Variants in NEB observed in about 807,000 individuals in gnomAD.
NEB encodes nemaline myopathy type 2.
A neutral mutation model predicts 952.2 loss-of-function variants in NEB; 512 were observed. That is an observed-to-expected ratio of 0.54 (90% CI 0.50 to 0.58). NEB has a LOEUF of 0.58. NEB is among the 20% of genes least tolerant of loss of function. NEB has a pLI of 0.00. For synonymous variants in NEB, 2,900 were observed against 3,149.8 expected, an observed-to-expected ratio of 0.92 and a Z score of 2.66; for missense variants, 8,428 against 9,231.1, an observed-to-expected ratio of 0.91 and a Z score of 3.56.
chr2:151,526,416 T>A (rs1481964603), intron 148 of NEB, among the ~76,000 whole-genome samples, 154 bp from the exon 149 acceptor site: 1 of 152,116 alleles, frequency 6.6e-6, no homozygotes, highest in Non-Finnish European at 1.5e-5. Context: ...TCAAAAGGGT[T>A]TTTTCCTTAT....
intron 12 of NEB, 51 bp downstream of exon 12, chr2:151,709,605 A>T: frequency 2.1e-6 from 3 of 1,412,840 alleles, no homozygotes; most frequent in Non-Finnish European, 2.9e-6. Context: ...AAGTTATAAG[A>T]AATTTACCCA....
At chr2:151,611,549 C>T (rs1157367172) in intron 78 of NEB, among the ~76,000 whole-genome samples, 1 of 152,188 alleles carries the variant, frequency 6.6e-6, no homozygotes, top group East Asian at 1.9e-4. Flanking sequence ...GATTGGAAGG[C>T]TTCCAGGCAG....
chr2:151,558,641 C>A (rs771325584), intron 124 of NEB, among the ~76,000 whole-genome samples: 3 of 152,048 alleles, frequency 2.0e-5, no homozygotes, highest in Admixed American at 6.6e-5. Context: ...TCAGAAACAA[C>A]GCCACATATC....
At position 151,592,053 on chromosome 2, in the gene NEB, T is replaced by C. The variant is rs139930220; in HGVS notation, c.14807A>G (p.Asn4936Ser). ...DTPLMLQSKINALQISNKRYQ... is the reference protein window; with the variant it reads ...DTPLMLQSKISALQISNKRYQ... ...TCTTACATTGCTGATCTGCAGAGCATTGATTTTGGATTGCAGCATCAGGGG... is the reference window on the plus strand; with the variant it reads ...TCTTACATTGCTGATCTGCAGAGCACTGATTTTGGATTGCAGCATCAGGGG... The change falls in exon 95 of 182, where the codon AAT becomes AGT. Residue 4936 changes from asparagine (N) to serine (S), a missense_variant. Around this residue, in one of 11 missense-constraint regions of NEB, gnomAD observed 13 missense variants for 40.6 expected, o/e 0.32. Transcript: ENST00000397345. The C allele has an allele frequency of 5.6e-4, 868 of 1,549,524 alleles. 1 individual carries two copies. In the African/African-American group the frequency reaches 9.0e-3, roughly 16 times the overall value.
Position 151,496,881 on chromosome 2 carries a change from T to G in NEB, c.24393+60A>C, listed in dbSNP as rs10497081. 476,536 of 1,456,888 alleles carry G rather than the reference T, an allele frequency of 0.33. 82,066 individuals carry two copies. Among genetic ancestry groups the G allele is most frequent in the Non-Finnish European group, 0.36 (381,640 of 1,066,098 alleles). The allele number at this position is 1,456,888 out of a possible 1,614,324, so 90.2% of individuals were successfully genotyped here. A position where few individuals can be genotyped will look rare whatever the true frequency, so the allele number is the denominator to read the frequency against. On this transcript the variant is annotated intron_variant, in intron 172 of 181. Transcript: ENST00000397345. Reference sequence around the variant, plus strand: ...AAAATAGGATTAATATGTATTATTTTAAATCATGAAATAGTTTTTAAAATC... The same window carrying G: ...AAAATAGGATTAATATGTATTATTTGAAATCATGAAATAGTTTTTAAAATC...
intron 42 of NEB, 128 bp from the exon 43 acceptor site, chr2:151,664,991 C>CAA: frequency 2.7e-6 from 2 of 733,218 alleles, no homozygotes; most frequent in East Asian, 5.4e-5. Context: ...GATGAAATAA[C>CAA]AAAAAGATGG....
At chr2:151,634,529 C>T (rs970471354) in intron 64 of NEB, among the ~76,000 whole-genome samples, 3 of 152,018 alleles carry the variant, frequency 2.0e-5, no homozygotes, top group African/African-American at 7.2e-5. Flanking sequence ...GTAGTCCCAG[C>T]TACTTGGGAG....
At chr2:151,513,759 G>C in intron 159 of NEB, 66 bp from the exon 160 acceptor site, 1 of 1,119,468 alleles carries the variant, frequency 8.9e-7, no homozygotes, top group Non-Finnish European at 1.3e-6. Flanking sequence ...AAACATACAG[G>C]GTGAATGTAA....
chr2:151,547,651 G>T lies in NEB; in HGVS notation c.20245C>A (p.Gln6749Lys), dbSNP rs772854423. Reference sequence around the variant, plus strand: ...ATACCCACCTCACTGACAGCCTCTTGTGTCTTCTTGACTTGGCGGATCTCA... The same window carrying T: ...ATACCCACCTCACTGACAGCCTCTTTTGTCTTCTTGACTTGGCGGATCTCA... Reference protein sequence around the residue: ...TPEIRQVKKTQEAVSELIYKS... With the variant: ...TPEIRQVKKTKEAVSELIYKS... Residue 6749 changes from glutamine (Q) to lysine (K), a missense_variant, in exon 132 of 182, where the codon CAA becomes AAA. Physicochemically the swap from Gln to Lys is moderately conservative, Grantham distance 53. This residue lies in a region of NEB where 3,374 missense variants were observed against 3,651.5 expected (regional missense o/e 0.92). Transcript: ENST00000397345. 122 of 1,613,608 alleles carry T rather than the reference G, an allele frequency of 7.6e-5. No individual in the cohort carries two copies. The highest frequency in any genetic ancestry group is 9.7e-5 in the Non-Finnish European group (114 of 1,179,756).
intron 102 of NEB, 72 bp from the exon 103 acceptor site, chr2:151,581,659 A>G: frequency 1.3e-6 from 2 of 1,502,556 alleles, no homozygotes; most frequent in African/African-American, 1.4e-5. Flanking sequence ...AAAATTATAA[A>G]GTCATAAAAC....
Position 151,540,685 on chromosome 2 carries a change from T to C in NEB, c.20787+12A>G. ...TTTTACCCAGTGCCTCAGTGCTGAA[T>C]TCCCATCTTACCTCACTGACCATGT... is the stretch of plus-strand genomic sequence containing the variant. On this transcript the variant is annotated intron_variant, in intron 137 of 181. Transcript: ENST00000397345. 1 of 1,608,856 alleles carries C rather than the reference T, an allele frequency of 6.2e-7. No homozygotes were observed. Among genetic ancestry groups the C allele is most frequent in the Non-Finnish European group, 8.5e-7 (1 of 1,175,434 alleles).
chr2:151,684,139 T>A (rs2099463570), intron 28 of NEB, among the ~76,000 whole-genome samples: 1 of 152,132 alleles, frequency 6.6e-6, no homozygotes, highest in South Asian at 2.1e-4. Context: ...TGCAGATTGG[T>A]TGTACAACAA....
chr2:151,613,594 T>C (rs1250604962), intron 77 of NEB, among the ~76,000 whole-genome samples: 1 of 152,226 alleles, frequency 6.6e-6, no homozygotes, highest in African/African-American at 2.4e-5. Context: ...CTATTATAGT[T>C]TGATATAGTT....
intron 156 of NEB, among the ~76,000 whole-genome samples, chr2:151,517,989 C>T (rs2078985807): frequency 6.6e-6 from 1 of 152,082 alleles, no homozygotes; most frequent in African/African-American, 2.4e-5. Context: ...TTCCTGACTC[C>T]CTATAATCTA....
intron 4 of NEB, among the ~76,000 whole-genome samples, chr2:151,728,598 G>A (rs1023575600): frequency 1.3e-5 from 2 of 152,128 alleles, no homozygotes; most frequent in Admixed American, 6.6e-5. Context: ...TCCTATCTAC[G>A]TAGTAGGTGA....
chr2:151,534,813 G>T (rs536205101), intron 142 of NEB, among the ~76,000 whole-genome samples: 2 of 152,330 alleles, frequency 1.3e-5, no homozygotes, highest in Admixed American at 1.3e-4. Context: ...TATCAAGATT[G>T]TATTCATAGG....
At chr2:151,644,663 C>A in intron 55 of NEB, 88 bp from the exon 56 acceptor site, 2 of 1,098,898 alleles carry the variant, frequency 1.8e-6, no homozygotes, top group Admixed American at 1.8e-5. Context: ...TATTTTGAGT[C>A]CATGAGAATA....
At position 151,671,173 on chromosome 2, in the gene NEB, A is replaced by T; in HGVS notation, c.4356T>A (p.Ile1452=). 1 of 1,613,982 alleles carries T rather than the reference A, an allele frequency of 6.2e-7. No individual in the cohort carries two copies. The highest frequency in any genetic ancestry group is 1.3e-5 in the African/African-American group (1 of 75,056). ...SFLKGIGWIP[I]GSLEVEKVKK... ...TGACCTTCTCCACCTCCAGGGAACC[A>T]ATAGGGATCCATCCGATGCCCTTCA... The change falls in exon 38 of 182, where the codon ATT becomes ATA. Residue 1452 remains isoleucine, a synonymous_variant. Coordinates refer to ENST00000397345, the MANE Select transcript of NEB (RefSeq NM_001164508.2).
intron 54 of NEB, 31 bp downstream of exon 54, chr2:151,650,145 A>G: frequency 1.3e-6 from 2 of 1,598,456 alleles, no homozygotes; most frequent in Non-Finnish European, 1.7e-6. Context: ...AGCAGGCACT[A>G]TAATCTATTT....
Sources: allele counts gnomAD v4.1 joint callset (sites outside exome capture counted in the v4.1 genomes callset), GRCh38; gene constraint gnomAD v4.1.1; regional missense constraint gnomAD v4.1.1; transcripts MANE v1.5; gene names NCBI Gene and HGNC (gene_info 2026-07-23, HGNC 2026-07-21).